Variants in DLG2 observed in about 807,000 individuals in gnomAD.
The protein encoded by DLG2 is discs large MAGUK scaffold protein 2.
A neutral mutation model predicts 132.5 loss-of-function variants in DLG2; 45 were observed. The ratio of observed to expected loss-of-function variants is 0.34; its 90% CI spans 0.27 to 0.44. The LOEUF is 0.44. Ranked by LOEUF, DLG2 falls within the 20% of genes least tolerant of loss-of-function variation. DLG2 has a pLI of 1.00. For missense variants in DLG2, 1,045 were observed against 1,196.9 expected, an observed-to-expected ratio of 0.87 and a Z score of 1.87; for synonymous variants, 424 against 419.6, an observed-to-expected ratio of 1.01 and a Z score of -0.13.
In DLG2 at chr11:83,973,401, TATTAC is replaced by T. The variant is rs527450118; in HGVS notation, c.1056+7100_1056+7104del. Among the ~76,000 whole-genome samples, 328 of 152,240 alleles carry T rather than the reference TATTAC, an allele frequency of 2.2e-3. 1 individual carries two copies. Among genetic ancestry groups the T allele is most frequent in the Non-Finnish European group, 3.6e-3 (244 of 68,004 alleles). The stretch of plus-strand genomic sequence containing the variant: ...ATAGCAATTACATTGTATTATAACT[TATTAC>T]ATTTGAGATAAATTAGAAGAGAGTT... On this transcript the variant is annotated intron_variant, in intron 12 of 27. Coordinates refer to ENST00000376104, the MANE Select transcript of DLG2 (RefSeq NM_001142699.3).
intron 7 of DLG2, among the ~76,000 whole-genome samples, chr11:84,346,641 G>A (rs558299213): frequency 1.3e-5 from 2 of 152,076 alleles, no homozygotes; most frequent in East Asian, 1.9e-4. Flanking sequence ...GCAGTGGCAC[G>A]ATCTTGGCTC....
intron 3 of DLG2, among the ~76,000 whole-genome samples, chr11:85,542,113 G>T (rs1489562414): frequency 6.6e-6 from 1 of 152,066 alleles, no homozygotes; most frequent in Non-Finnish European, 1.5e-5. Context: ...AAAGAGAAAT[G>T]AATTCTTTAC....
intron 6 of DLG2, among the ~76,000 whole-genome samples, chr11:84,591,223 CTG>C (rs781411791): frequency 1.5e-3 from 213 of 139,278 alleles, no homozygotes; most frequent in Admixed American, 1.5e-3. Context: ...ATGTGTCTCT[CTG>C]TGTGTGTGTG....
At chr11:83,515,779 G>A (rs549134552) in intron 21 of DLG2, among the ~76,000 whole-genome samples, 150 of 152,270 alleles carry the variant, frequency 9.9e-4, no homozygotes, top group African/African-American at 2.9e-3. Flanking sequence ...ATTTCGTTAT[G>A]TACCTAGTAG....
chr11:85,053,020 T>C (rs2154154844), intron 6 of DLG2, among the ~76,000 whole-genome samples: 1 of 152,298 alleles, frequency 6.6e-6, no homozygotes, highest in Middle Eastern at 3.4e-3. Context: ...TTTTCTACAT[T>C]GTCATATCTG....
At chr11:85,510,845 C>T (rs1003474517) in intron 3 of DLG2, among the ~76,000 whole-genome samples, 23 of 152,222 alleles carry the variant, frequency 1.5e-4, no homozygotes, top group Admixed American at 7.2e-4. Context: ...CTAGAAATAC[C>T]ATTTGACCCA....
intron 6 of DLG2, chr11:84,762,018 A>C (rs72945839): frequency 6.6e-6 from 1 of 152,064 alleles, no homozygotes; most frequent in African/African-American, 2.4e-5. Context: ...ATATTTATAT[A>C]AAAAATGTAT....
At chr11:84,629,647 T>C (rs1406762119) in intron 6 of DLG2, among the ~76,000 whole-genome samples, 1 of 152,200 alleles carries the variant, frequency 6.6e-6, no homozygotes, top group Non-Finnish European at 1.5e-5. Context: ...TCAGAAGAGA[T>C]ACCTGGCCCA....
At chr11:84,917,358 T>A (rs2092532625) in intron 6 of DLG2, among the ~76,000 whole-genome samples, 1 of 152,138 alleles carries the variant, frequency 6.6e-6, no homozygotes, top group Non-Finnish European at 1.5e-5. Context: ...TACCTAATTT[T>A]AAAAAAAGAT....
chr11:84,810,215 A>T (rs1429248142), intron 6 of DLG2, among the ~76,000 whole-genome samples: 1 of 152,120 alleles, frequency 6.6e-6, no homozygotes, highest in East Asian at 1.9e-4. Flanking sequence ...GCACATATCC[A>T]AAAAAGATTT....
chr11:84,059,327 T>C lies in DLG2; in HGVS notation c.907A>G (p.Lys303Glu). 6.2e-7 allele frequency: 1 copy of C among 1,613,592 alleles called. No homozygotes were observed. Among genetic ancestry groups the C allele is most frequent in the Non-Finnish European group, 8.5e-7 (1 of 1,179,740 alleles). Residue 303 changes from lysine (K) to glutamate (E), a missense_variant, in exon 11 of 28, where the codon AAA becomes GAA. Around this residue, in one of 4 missense-constraint regions of DLG2, gnomAD observed 109 missense variants for 159.1 expected, o/e 0.69. Coordinates refer to ENST00000376104, the MANE Select transcript of DLG2 (RefSeq NM_001142699.3). Reference protein sequence around the residue: ...LETVVEIKLFKGPKGLGFSIA... With the variant: ...LETVVEIKLFEGPKGLGFSIA... Reference sequence around the variant, plus strand: ...ATATTTTGATTACCTTTAGGGCCTTTGAACAGTTTGATTTCCACAACGGTC... The same window carrying C: ...ATATTTTGATTACCTTTAGGGCCTTCGAACAGTTTGATTTCCACAACGGTC...
chr11:84,796,531 G>T lies in DLG2; in HGVS notation c.358-261800C>A, dbSNP rs145401585. ...GATTTCTTACTGCTCATTAACATCC[G>T]TTTCCTTCAGGTTGAAGAACTCCCT... is the stretch of plus-strand genomic sequence containing the variant. On this transcript the variant is annotated intron_variant, in intron 6 of 27. Transcript: ENST00000376104. Among the ~76,000 whole-genome samples the T allele has an allele frequency of 9.4e-3, 1,424 of 152,210 alleles. 19 individuals carry two copies. The highest frequency in any genetic ancestry group is 0.054 in the South Asian group (260 of 4,826).
chr11:85,365,013 G>C, intron 3 of DLG2, among the ~76,000 whole-genome samples: 1 of 151,812 alleles, frequency 6.6e-6, no homozygotes, highest in Non-Finnish European at 1.5e-5. Context: ...TTTAATCTGG[G>C]ACCCTCACCC....
chr11:85,160,297 C>T (rs765600927), intron 4 of DLG2, among the ~76,000 whole-genome samples: 5 of 152,256 alleles, frequency 3.3e-5, no homozygotes, highest in South Asian at 2.1e-4. Context: ...CTGCCATTTG[C>T]GCCATATGAC....
At chr11:85,230,554 A>G (rs1050942342) in intron 4 of DLG2, among the ~76,000 whole-genome samples, 15 of 151,774 alleles carry the variant, frequency 9.9e-5, no homozygotes, top group African/African-American at 3.4e-4. Context: ...AGTTTTTTTC[A>G]TACTTGCATT....
intron 3 of DLG2, among the ~76,000 whole-genome samples, chr11:85,478,471 CTA>C (rs2153085969): frequency 6.6e-6 from 1 of 152,274 alleles, no homozygotes; most frequent in Admixed American, 6.5e-5. Context: ...TCTGAACCTA[CTA>C]TGTTATCATT....
intron 15 of DLG2, among the ~76,000 whole-genome samples, chr11:83,884,140 C>A (rs1439202085): frequency 6.6e-6 from 1 of 152,214 alleles, no homozygotes; most frequent in Non-Finnish European, 1.5e-5. Flanking sequence ...CAGGGCGAGG[C>A]ATTGCCTCAC....
chr11:84,906,238 T>G (rs1008138971), intron 6 of DLG2, among the ~76,000 whole-genome samples: 5 of 122,330 alleles, frequency 4.1e-5, no homozygotes, highest in African/African-American at 1.1e-4. Context: ...TTGGTTTTTT[T>G]GTTTTTTTTT....
intron 18 of DLG2, chr11:83,725,182 C>A (rs1346995206): frequency 5.5e-5 from 21 of 380,550 alleles, no homozygotes; most frequent in Middle Eastern, 7.0e-4. Flanking sequence ...CTTTTTCTTT[C>A]TCTTCTCAGT....
Sources: gnomAD v4.1 joint callset for allele counts (sites outside exome capture counted in the v4.1 genomes callset) on GRCh38, gnomAD v4.1.1 for gene constraint, gnomAD v4.1.1 regional missense constraint, MANE v1.5 for transcripts, NCBI Gene and HGNC (gene_info 2026-07-23, HGNC 2026-07-21) for gene names.